The following TRAPPC11 variants were observed in gnomAD, a reference collection of about 807,000 sequenced individuals.
TRAPPC11 encodes the protein trafficking protein particle complex subunit 11, also known as foie gras homolog.
In TRAPPC11, 104 loss-of-function variants were observed where a neutral mutation model predicts 151.2. That is an observed-to-expected ratio of 0.69 (90% CI 0.59 to 0.81). TRAPPC11 has a LOEUF of 0.81. Among genes scored for constraint, TRAPPC11 ranks in the 30% least tolerant of loss-of-function variants. The pLI, the probability that TRAPPC11 is intolerant of heterozygous loss-of-function variation, is 0.00. For synonymous variants in TRAPPC11, 456 were observed against 472.3 expected (o/e 0.97, Z 0.45); for missense variants, 1,230 against 1,349.6 (o/e 0.91, Z 1.39).
At chr4:183,676,440 G>A (rs765754609) in intron 7 of TRAPPC11, among the ~76,000 whole-genome samples, 10 of 152,148 alleles carry the variant, frequency 6.6e-5, no homozygotes, top group Non-Finnish European at 8.8e-5. Context: ...GTGAGCCACT[G>A]CGCCTGGCCT....
rs369817272 is a variant in TRAPPC11, at chr4:183,710,429, A to G, written c.3357+1855A>G. Among the ~76,000 whole-genome samples, 364 of 151,728 alleles carry G rather than the reference A, an allele frequency of 2.4e-3. 1 individual carries two copies. The highest frequency in any genetic ancestry group is 8.4e-3 in the African/African-American group (346 of 41,404). On this transcript the variant is annotated intron_variant, in intron 29 of 29. Coordinates refer to ENST00000334690, the MANE Select transcript of TRAPPC11 (RefSeq NM_021942.6). ...AGCCTCCCGAGTAGCTGGGACTACA[A>G]GCGCCTGCCACCACGCCTGGCTAAT... is the stretch of plus-strand genomic sequence containing the variant.
intron 18 of TRAPPC11, among the ~76,000 whole-genome samples, chr4:183,690,490 C>T (rs1254161696): frequency 6.6e-6 from 1 of 152,148 alleles, no homozygotes; most frequent in Admixed American, 6.5e-5. Flanking sequence ...TTGGGACGTG[C>T]TGAGTTTCAG....
Position 183,697,572 on chromosome 4 carries a change from T to C in TRAPPC11, c.2694+4T>C. 3 of 1,604,808 alleles carry C rather than the reference T, an allele frequency of 1.9e-6. No individual in the cohort carries two copies. The highest frequency in any genetic ancestry group is 2.5e-6 in the Non-Finnish European group (3 of 1,178,076). ...GGTTAAATTTGTTTCTACCAAGGTA[T>C]GTTTCTTTGAGGCATACTAGAAATC... On this transcript the variant is annotated splice_donor_region_variant and intron_variant, in intron 24 of 29. Transcript: ENST00000334690.
intron 5 of TRAPPC11, among the ~76,000 whole-genome samples, chr4:183,668,586 G>A (rs1258927319): frequency 6.6e-6 from 1 of 152,022 alleles, no homozygotes; most frequent in Non-Finnish European, 1.5e-5. Flanking sequence ...CCTTTTTTGT[G>A]AGAGTGTCTC....
chr4:183,685,542 T>G lies in TRAPPC11; in HGVS notation c.1762+139T>G, dbSNP rs1389012262. The G allele has an allele frequency of 5.2e-5, 49 of 947,606 alleles. No homozygotes were observed. In the East Asian group the frequency reaches 8.2e-4, roughly 16 times the overall value. 58.7% of individuals were successfully genotyped at this position (947,606 alleles called of 1,614,324 possible). On this transcript the variant is annotated intron_variant, in intron 17 of 29. Transcript: ENST00000334690. Reference sequence around the variant, plus strand: ...ATGTTATAGATAAACTGATTTTTTTTTGTGTCCCCTCAGTGACTTACAAAG... The same window carrying G: ...ATGTTATAGATAAACTGATTTTTTTGTGTGTCCCCTCAGTGACTTACAAAG...
chr4:183,693,763 A>C, intron 21 of TRAPPC11, 26 bp downstream of exon 21: 1 of 1,610,690 alleles, frequency 6.2e-7, no homozygotes, highest in Non-Finnish European at 8.5e-7. Context: ...TGTAAGTTTG[A>C]TCAGTATTAA....
At chr4:183,703,765 A>C (rs1736911038) in intron 26 of TRAPPC11, among the ~76,000 whole-genome samples, 2 of 152,222 alleles carry the variant, frequency 1.3e-5, no homozygotes, top group Admixed American at 6.5e-5. Flanking sequence ...CCTTAGGCTC[A>C]AAAGGGATTT....
intron 28 of TRAPPC11, 74 bp downstream of exon 28, chr4:183,707,014 T>A (rs1737107717): frequency 6.5e-7 from 1 of 1,542,534 alleles, no homozygotes; most frequent in African/African-American, 1.4e-5. Flanking sequence ...ACCTTTAGTT[T>A]TTATGAATGA....
intron 2 of TRAPPC11, 78 bp downstream of exon 2, chr4:183,664,149 G>A (rs1183666113): frequency 7.5e-7 from 1 of 1,324,514 alleles, no homozygotes; most frequent in Non-Finnish European, 1.1e-6. Context: ...GTTCTGTTGT[G>A]TGTGTGGAGT....
intron 25 of TRAPPC11, among the ~76,000 whole-genome samples, chr4:183,699,666 G>C (rs945391013): frequency 1.3e-5 from 2 of 152,140 alleles, no homozygotes; most frequent in African/African-American, 4.8e-5. Context: ...AAAAAACAAG[G>C]TGTCAGCCTG....
At chr4:183,700,570 C>T (rs776077456) in intron 25 of TRAPPC11, among the ~76,000 whole-genome samples, 29 of 152,200 alleles carry the variant, frequency 1.9e-4, no homozygotes, top group Non-Finnish European at 3.1e-4. Flanking sequence ...TTTGAATGGG[C>T]GCTTATCTTG....
chr4:183,684,977 A>G, intron 15 of TRAPPC11, 107 bp from the exon 16 acceptor site: 1 of 1,305,720 alleles, frequency 7.7e-7, no homozygotes. Flanking sequence ...GTGCTTAGTC[A>G]TCTTAAAGAG....
In TRAPPC11 at chr4:183,708,544, G is replaced by T; in HGVS notation, c.3327G>T (p.Arg1109Ser). 6.2e-7 allele frequency: 1 copy of T among 1,613,928 alleles called. No individual in the cohort carries two copies. The highest frequency in any genetic ancestry group is 8.5e-7 in the Non-Finnish European group (1 of 1,179,960). ...CTAACTTCACAAATCAGCTGCTCAG[G>T]CGTTTTATACCTACCAGTATTTTTG... ...RFPNFTNQLLRRFIPTSIFVK... is the reference protein window; with the variant it reads ...RFPNFTNQLLSRFIPTSIFVK... The change falls in exon 29 of 30, where the codon AGG becomes AGT. Residue 1109 changes from arginine to serine, a missense_variant. Transcript: ENST00000334690.
Position 183,713,284 on chromosome 4 carries a change from A to T in TRAPPC11, c.*640A>T, listed in dbSNP as rs1737414760. 6.6e-6 allele frequency: 1 copy of T among 152,400 alleles called. No homozygotes were observed. The highest frequency in any genetic ancestry group is 1.5e-5 in the Non-Finnish European group (1 of 68,052). 9.4% of individuals were successfully genotyped at this position (152,400 alleles called of 1,614,324 possible). On this transcript the variant is annotated 3_prime_UTR_variant, in exon 30 of 30. Coordinates refer to ENST00000334690, the MANE Select transcript of TRAPPC11 (RefSeq NM_021942.6). ...GCAGGTTCATATTTTAGAGGTGTTA[A>T]TAAAATCCTCATCGGAAAAGATCCA... is the stretch of plus-strand genomic sequence containing the variant.
chr4:183,676,529 C>T (rs947307327), intron 7 of TRAPPC11, among the ~76,000 whole-genome samples: 1 of 152,168 alleles, frequency 6.6e-6, no homozygotes, highest in African/African-American at 2.4e-5. Context: ...GAAAGAAATA[C>T]ATTTACCTGG....
rs369619168 is a variant in TRAPPC11 at position 183,705,589 on chromosome 4, T to C, written c.3055+519T>C. 2.0e-4 allele frequency among the ~76,000 whole-genome samples: 30 copies of C among 152,280 alleles called. No individual in the cohort carries two copies. The East Asian group carries it at 3.1e-3, about 16-fold the overall frequency. On this transcript the variant is annotated intron_variant, in intron 27 of 29. Transcript: ENST00000334690. The stretch of plus-strand genomic sequence containing the variant: ...TGCATCACCTCTTCCAATACCGCTT[T>C]CTCTACCACTTTGTCCATCTCCTCC...
At chr4:183,675,379 T>A in intron 7 of TRAPPC11, 142 bp downstream of exon 7, 1 of 422,354 alleles carries the variant, frequency 2.4e-6, no homozygotes, top group South Asian at 1.1e-4. Context: ...TAGAGATGAA[T>A]GGAGTATAAT....
chr4:183,664,118 GTGTGTGTGTGTGTCTTTTTTGTTCTGT>G (rs748218773), intron 2 of TRAPPC11, 47 bp downstream of exon 2: 5 of 1,244,298 alleles, frequency 4.0e-6, no homozygotes, highest in Non-Finnish European at 5.7e-6. Flanking sequence ...CTCTCTCTAT[GTGTGTGTGTGTGTCTTTTTTGTTCTGT>G]TGTGTGTGTG....
At chr4:183,673,072 C>T (rs1418270741) in intron 5 of TRAPPC11, among the ~76,000 whole-genome samples, 2 of 151,332 alleles carry the variant, frequency 1.3e-5, no homozygotes, top group African/African-American at 4.9e-5. Flanking sequence ...ATGCCATTCT[C>T]CTGCCTCAGC....
Sources: allele counts gnomAD v4.1 joint callset (sites outside exome capture counted in the v4.1 genomes callset), GRCh38; gene constraint gnomAD v4.1.1; transcripts MANE v1.5; gene names NCBI Gene and HGNC (gene_info 2026-07-23, HGNC 2026-07-21).